Variants in NXPH1 observed in about 807,000 individuals in gnomAD.
NXPH1 encodes neurexophilin-1.
A neutral mutation model predicts 23.7 loss-of-function variants in NXPH1; 5 were observed. That is an observed-to-expected ratio of 0.21 (90% CI 0.11 to 0.44). The LOEUF is 0.44. NXPH1 is among the 20% of genes least tolerant of loss of function. NXPH1 has a pLI of 0.99. For synonymous variants in NXPH1, 144 were observed against 122.2 expected, an observed-to-expected ratio of 1.18 and a Z score of -1.18; for missense variants, 324 against 321.6, an observed-to-expected ratio of 1.01 and a Z score of -0.06.
intron 2 of NXPH1, among the ~76,000 whole-genome samples, chr7:8,443,348 C>T (rs1563311700): frequency 2.0e-5 from 3 of 152,234 alleles, no homozygotes; most frequent in Non-Finnish European, 4.4e-5. Context: ...AAATCTACCC[C>T]TCCCCCGAAA....
chr7:8,698,879 T>C (rs991633047), intron 2 of NXPH1, among the ~76,000 whole-genome samples: 1 of 152,162 alleles, frequency 6.6e-6, no homozygotes, highest in Non-Finnish European at 1.5e-5. Context: ...AGAGTGTCTC[T>C]AAAGCCCATA....
intron 2 of NXPH1, among the ~76,000 whole-genome samples, chr7:8,589,299 C>T (rs1227923743): frequency 6.6e-6 from 1 of 152,072 alleles, no homozygotes; most frequent in Non-Finnish European, 1.5e-5. Flanking sequence ...GGCCCGGTCA[C>T]TTGCATCATA....
chr7:8,748,066 T>G (rs1780501030), intron 2 of NXPH1, among the ~76,000 whole-genome samples: 1 of 152,212 alleles, frequency 6.6e-6, no homozygotes, highest in Non-Finnish European at 1.5e-5. Context: ...TGCTTTTTTC[T>G]TAAGAAAAGT....
chr7:8,732,331 T>C (rs1314331918), intron 2 of NXPH1, among the ~76,000 whole-genome samples: 1 of 152,262 alleles, frequency 6.6e-6, no homozygotes, highest in Admixed American at 6.5e-5. Context: ...AGCTGTAGAC[T>C]GGAGCTGTTC....
At chr7:8,615,695 A>G (rs1226682888) in intron 2 of NXPH1, among the ~76,000 whole-genome samples, 3 of 152,022 alleles carry the variant, frequency 2.0e-5, no homozygotes, top group African/African-American at 4.8e-5. Context: ...AAGGTATTCT[A>G]TGCTTTGCTA....
At chr7:8,553,539 C>G (rs1482846683) in intron 2 of NXPH1, among the ~76,000 whole-genome samples, 2 of 151,414 alleles carry the variant, frequency 1.3e-5, no homozygotes, top group Non-Finnish European at 3.0e-5. Context: ...GAGGAAGATA[C>G]CCAGGTTTTA....
rs1377780122 is a variant in NXPH1 at position 8,621,072 on chromosome 7, A to C, written c.55-129936A>C. ...AAGACATCATCTTTGCTGTCAAAAAATTTATAATTTAGTTGGTAGAAAAAA... is the reference window on the plus strand; with the variant it reads ...AAGACATCATCTTTGCTGTCAAAAACTTTATAATTTAGTTGGTAGAAAAAA... On this transcript the variant is annotated intron_variant, in intron 2 of 2. Transcript: ENST00000405863. 2.0e-5 allele frequency among the ~76,000 whole-genome samples: 3 copies of C among 152,204 alleles called. No homozygotes were observed. The East Asian group carries it at 5.8e-4, about 29-fold the overall frequency.
intron 2 of NXPH1, among the ~76,000 whole-genome samples, chr7:8,436,242 C>T (rs951231040): frequency 2.0e-5 from 3 of 152,212 alleles, no homozygotes; most frequent in African/African-American, 7.2e-5. Flanking sequence ...TAAAGAAGCG[C>T]AGTTAACTTT....
chr7:8,681,666 A>G (rs1026226834), intron 2 of NXPH1, among the ~76,000 whole-genome samples: 2 of 152,206 alleles, frequency 1.3e-5, no homozygotes, highest in African/African-American at 4.8e-5. Flanking sequence ...TTGATTCCAT[A>G]ATATACAATG....
intron 2 of NXPH1, among the ~76,000 whole-genome samples, chr7:8,459,865 T>C (rs2128606637): frequency 6.6e-6 from 1 of 152,318 alleles, no homozygotes; most frequent in South Asian, 2.1e-4. Flanking sequence ...AATTCGTGAA[T>C]GAACATTGCA....
chr7:8,745,666 C>A (rs1375762389), intron 2 of NXPH1, among the ~76,000 whole-genome samples: 5 of 151,830 alleles, frequency 3.3e-5, no homozygotes, highest in Non-Finnish European at 5.9e-5. Context: ...AATTCTCCTG[C>A]CTCTGCCTCC....
At chr7:8,453,172 G>A (rs1015439398) in intron 2 of NXPH1, among the ~76,000 whole-genome samples, 3 of 152,058 alleles carry the variant, frequency 2.0e-5, no homozygotes, top group African/African-American at 7.2e-5. Context: ...GGGAGAGAGG[G>A]AGAGGAAGAA....
intron 2 of NXPH1, among the ~76,000 whole-genome samples, chr7:8,645,317 T>C (rs755507759): frequency 6.6e-6 from 1 of 152,128 alleles, no homozygotes; most frequent in Non-Finnish European, 1.5e-5. Flanking sequence ...CTCCTCTCCC[T>C]CAGCAATATT....
intron 2 of NXPH1, among the ~76,000 whole-genome samples, chr7:8,732,312 C>G (rs1780171880): frequency 6.6e-6 from 1 of 152,244 alleles, no homozygotes; most frequent in African/African-American, 2.4e-5. Context: ...CTGTGTCGCT[C>G]ACAGTGGGAG....
chr7:8,591,215 C>A (rs942008917), intron 2 of NXPH1, among the ~76,000 whole-genome samples: 6 of 151,926 alleles, frequency 3.9e-5, no homozygotes, highest in Non-Finnish European at 7.4e-5. Context: ...TTTCTTCGAC[C>A]CTCACAAGAA....
intron 2 of NXPH1, among the ~76,000 whole-genome samples, chr7:8,659,674 G>A (rs12668205): frequency 0.63 from 95,040 of 151,948 alleles, 30,875 homozygotes; most frequent in Middle Eastern, 0.76. Context: ...TGGCACATGT[G>A]TACATATGTA....
chr7:8,734,751 A>T (rs543805465), intron 2 of NXPH1, among the ~76,000 whole-genome samples: 9 of 152,152 alleles, frequency 5.9e-5, no homozygotes, highest in African/African-American at 2.2e-4. Context: ...TAGCCTTGTT[A>T]ATTTTCTGTC....
chr7:8,456,749 A>G (rs1816602536), intron 2 of NXPH1, among the ~76,000 whole-genome samples: 1 of 152,222 alleles, frequency 6.6e-6, no homozygotes, highest in African/African-American at 2.4e-5. Flanking sequence ...CTGCAGTAAG[A>G]AACACATTTT....
chr7:8,536,870 C>A (rs1216566484), intron 2 of NXPH1, among the ~76,000 whole-genome samples: 1 of 151,862 alleles, frequency 6.6e-6, no homozygotes, highest in Admixed American at 6.6e-5. Context: ...AAGATGTCTG[C>A]TGATTTCTGG....
Sources: allele counts gnomAD v4.1 joint callset (sites outside exome capture counted in the v4.1 genomes callset), GRCh38; gene constraint gnomAD v4.1.1; transcripts MANE v1.5; gene names NCBI Gene and HGNC (gene_info 2026-07-23, HGNC 2026-07-21).